Variants in CC2D2A observed in about 807,000 individuals in gnomAD.
CC2D2A encodes the protein coiled-coil and C2 domain-containing protein 2A.
A neutral mutation model predicts 212.9 loss-of-function variants in CC2D2A; 155 were observed. The ratio of observed to expected loss-of-function variants is 0.73; its 90% CI spans 0.64 to 0.83. The LOEUF is 0.83. Among genes scored for constraint, CC2D2A ranks in the 40% least tolerant of loss-of-function variants. The probability of loss-of-function intolerance (pLI) is 0.00; values close to 1 mark genes in which losing one functional copy is unlikely to be tolerated. For missense variants in CC2D2A, 1,856 were observed against 1,956.2 expected, an observed-to-expected ratio of 0.95 and a Z score of 0.97; for synonymous variants, 667 against 686.5, an observed-to-expected ratio of 0.97 and a Z score of 0.44.
chr4:15,599,585 G>A lies in CC2D2A; in HGVS notation c.4553G>A (p.Arg1518Gln), dbSNP rs200645738. Residue 1518 changes from arginine (R) to glutamine (Q), a missense_variant, in exon 36 of 37, where the codon CGG (arginine) becomes CAG (glutamine). Physicochemically the swap from Arg to Gln is conservative, Grantham distance 43. Around this residue, in one of 5 missense-constraint regions of CC2D2A, gnomAD observed 285 missense variants for 278.4 expected, o/e 1.02. Coordinates refer to ENST00000424120, the MANE Select transcript of CC2D2A (RefSeq NM_001378615.1). ...GACTGGAGGCCACGCCATCTGACTC[G>A]GTGGAATAGGTATTGTACCTCTACT... ...IMDWRPRHLT[R>Q]WNRYCTSTLR... The A allele has an allele frequency of 1.2e-4, 189 of 1,608,398 alleles. 1 individual carries two copies. Among genetic ancestry groups the A allele is most frequent in the South Asian group, 7.5e-4 (68 of 90,268 alleles).
chr4:15,543,338 AC>A (rs1421103829), intron 17 of CC2D2A, among the ~76,000 whole-genome samples: 2 of 152,206 alleles, frequency 1.3e-5, no homozygotes, highest in Non-Finnish European at 2.9e-5. Context: ...TTGAAAAAAA[AC>A]AAACTTTTTT....
chr4:15,492,927 G>A, intron 4 of CC2D2A: 3 of 536,922 alleles, frequency 5.6e-6, no homozygotes, highest in South Asian at 3.0e-5. Flanking sequence ...CCCTTGAGGG[G>A]GCCCTCTGAT....
chr4:15,480,588 T>C (rs1714565356), intron 3 of CC2D2A, 116 bp from the exon 4 acceptor site: 2 of 1,150,702 alleles, frequency 1.7e-6, no homozygotes, highest in Non-Finnish European at 2.3e-6. Context: ...ACTGTGGTTA[T>C]CCAGATGTGA....
chr4:15,502,775 G>T, intron 5 of CC2D2A, 47 bp from the exon 6 acceptor site: 1 of 1,472,816 alleles, frequency 6.8e-7, no homozygotes, highest in South Asian at 1.2e-5. Flanking sequence ...ATTATTTCTC[G>T]GCATTCCTGA....
chr4:15,601,067 G>A (rs1721570692), intron 36 of CC2D2A, among the ~76,000 whole-genome samples, 170 bp from the exon 37 acceptor site: 1 of 152,116 alleles, frequency 6.6e-6, no homozygotes, highest in South Asian at 2.1e-4. Context: ...AAACAAAATG[G>A]ATATTAAGCA....
intron 11 of CC2D2A, among the ~76,000 whole-genome samples, chr4:15,526,185 A>G (rs7675761): frequency 0.3 from 45,174 of 152,164 alleles, 7,572 homozygotes; most frequent in Non-Finnish European, 0.39. Context: ...GCTTGAAGAC[A>G]GGCTGTATCA....
At chr4:15,524,657 T>C (rs1349944252) in intron 11 of CC2D2A, among the ~76,000 whole-genome samples, 4 of 151,492 alleles carry the variant, frequency 2.6e-5, no homozygotes, top group Non-Finnish European at 4.4e-5. Context: ...TTCACCGTGT[T>C]AGCCAGGATG....
At chr4:15,597,654 G>T (rs889792038) in intron 35 of CC2D2A, among the ~76,000 whole-genome samples, 189 bp downstream of exon 35, 1 of 152,194 alleles carries the variant, frequency 6.6e-6, no homozygotes, top group South Asian at 2.1e-4. Context: ...GCATCAGCAT[G>T]CTGTGGAACC....
intron 24 of CC2D2A, among the ~76,000 whole-genome samples, chr4:15,565,048 A>G (rs983312216): frequency 3.3e-5 from 5 of 152,208 alleles, no homozygotes; most frequent in Non-Finnish European, 5.9e-5. Flanking sequence ...GAGCATCTAC[A>G]ATCATCAACT....
chr4:15,554,934 A>G (rs1195472764), intron 19 of CC2D2A, 138 bp from the exon 20 acceptor site: 5 of 857,600 alleles, frequency 5.8e-6, no homozygotes. Flanking sequence ...GAAAAATGAC[A>G]AAATCCTTCC....
At chr4:15,477,785 G>A (rs538179568) in intron 2 of CC2D2A, among the ~76,000 whole-genome samples, 11 of 152,242 alleles carry the variant, frequency 7.2e-5, no homozygotes, top group Middle Eastern at 3.4e-3. Context: ...CCTCACTTCC[G>A]TCCTCTGTTA....
intron 4 of CC2D2A, chr4:15,481,849 G>A (rs750194343): frequency 2.8e-4 from 276 of 985,330 alleles, no homozygotes; most frequent in Non-Finnish European, 3.2e-4. Context: ...AGACATATGT[G>A]TTAACCTAGT....
intron 17 of CC2D2A, among the ~76,000 whole-genome samples, chr4:15,541,978 C>T (rs1718479444): frequency 6.6e-6 from 1 of 152,082 alleles, no homozygotes; most frequent in East Asian, 1.9e-4. Context: ...CTGCCTCTTC[C>T]AGCTCCTCCT....
chr4:15,533,024 A>C (rs1199979617), intron 13 of CC2D2A, among the ~76,000 whole-genome samples, 169 bp from the exon 14 acceptor site: 1 of 152,196 alleles, frequency 6.6e-6, no homozygotes, highest in Non-Finnish European at 1.5e-5. Flanking sequence ...CTCTCAAGAC[A>C]GGTTGACATC....
At chr4:15,513,554 C>T (rs1716691667) in intron 8 of CC2D2A, among the ~76,000 whole-genome samples, 1 of 152,226 alleles carries the variant, frequency 6.6e-6, no homozygotes, top group Non-Finnish European at 1.5e-5. Flanking sequence ...GGAAGCCCTT[C>T]CCTATAGTCC....
At chr4:15,577,654 T>TAG (rs1379821723) in intron 29 of CC2D2A, among the ~76,000 whole-genome samples, 1 of 152,058 alleles carries the variant, frequency 6.6e-6, no homozygotes, top group Non-Finnish European at 1.5e-5. Context: ...GGACTGCTTA[T>TAG]AGAGGCAAGT....
rs2148493398 is a variant in CC2D2A at position 15,596,013 on chromosome 4, T to C, written c.4315-72T>C. On this transcript the variant is annotated intron_variant, in intron 33 of 36. Coordinates refer to ENST00000424120, the MANE Select transcript of CC2D2A (RefSeq NM_001378615.1). ...CTCTCTGCTGCCTCTATGCCACACA[T>C]ACATCCATGCACACATACATGTGCA... 4.5e-6 allele frequency: 5 copies of C among 1,109,774 alleles called. No individual in the cohort carries two copies. In the East Asian group the frequency reaches 1.5e-4, roughly 33 times the overall value. The allele number at this position is 1,109,774 out of a possible 1,614,324, so 68.7% of individuals were successfully genotyped here. A position where few individuals can be genotyped will look rare whatever the true frequency, so the allele number is the denominator to read the frequency against.
chr4:15,487,322 C>A (rs1377018554), intron 4 of CC2D2A, among the ~76,000 whole-genome samples: 3 of 151,950 alleles, frequency 2.0e-5, no homozygotes, highest in Non-Finnish European at 4.4e-5. Flanking sequence ...CTGGGTGTCC[C>A]AGTATTGGGT....
chr4:15,576,164 T>C (rs1720395955), intron 29 of CC2D2A, among the ~76,000 whole-genome samples: 2 of 152,178 alleles, frequency 1.3e-5, no homozygotes, highest in African/African-American at 2.4e-5. Flanking sequence ...AATGAGGGCT[T>C]AAAAAACCCC....
Sources: allele counts gnomAD v4.1 joint callset (sites outside exome capture counted in the v4.1 genomes callset), GRCh38; gene constraint gnomAD v4.1.1; regional missense constraint gnomAD v4.1.1; transcripts MANE v1.5; gene names NCBI Gene and HGNC (gene_info 2026-07-23, HGNC 2026-07-21).